Variants in ENTPD1 observed in about 807,000 individuals in gnomAD.
ENTPD1 encodes ectonucleoside triphosphate diphosphohydrolase 1, also known as ATP diphosphohydrolase.
ENTPD1 carries 33 observed loss-of-function variants against 57.0 expected under a neutral mutation model. The observed-to-expected ratio is 0.58, with a 90% CI of 0.44 to 0.77. ENTPD1 has a LOEUF of 0.77. ENTPD1 is among the 30% of genes least tolerant of loss of function. ENTPD1 has a pLI of 0.00. For synonymous variants in ENTPD1, 202 were observed against 218.8 expected, an observed-to-expected ratio of 0.92 and a Z score of 0.68; for missense variants, 501 against 603.4, an observed-to-expected ratio of 0.83 and a Z score of 1.78.
chr10:95,801,761 G>A (rs967499232), intron 1 of ENTPD1, among the ~76,000 whole-genome samples: 19 of 152,186 alleles, frequency 1.2e-4, no homozygotes, highest in South Asian at 6.2e-4. Context: ...GTCAGATAGC[G>A]TGATGCCTCC....
Position 95,873,572 on chromosome 10 carries a change from A to C in ENTPD1, c.*7189A>C, listed in dbSNP as rs2098482757. 3 of 985,468 alleles carry C rather than the reference A, an allele frequency of 3.0e-6. No individual in the cohort carries two copies. Among genetic ancestry groups the C allele is most frequent in the Non-Finnish European group, 3.6e-6 (3 of 829,952 alleles). The allele number at this position is 985,468 out of a possible 1,614,324, so 61.0% of individuals were successfully genotyped here. A position where few individuals can be genotyped will look rare whatever the true frequency, so the allele number is the denominator to read the frequency against. ...GCCAGCTCACACGCATCCTTTAAAA[A>C]TGGTTTAGAAGTTTAGCTGGTTTCT... On this transcript the variant is annotated 3_prime_UTR_variant, in exon 10 of 10. Transcript: ENST00000371205.
rs1208005031 is a variant in ENTPD1 at position 95,823,375 on chromosome 10, T to C, written c.144+11T>C. On this transcript the variant is annotated intron_variant, in intron 2 of 9. Coordinates refer to ENST00000371205, the MANE Select transcript of ENTPD1 (RefSeq NM_001776.6). Reference sequence around the variant, plus strand: ...CCAGAAAACGTTAAGGTAAGTCAAATATATCTGTGTGTTTGTGTGTATGTA... The same window carrying C: ...CCAGAAAACGTTAAGGTAAGTCAAACATATCTGTGTGTTTGTGTGTATGTA... 6.2e-7 allele frequency: 1 copy of C among 1,613,846 alleles called. No homozygotes were observed. Among genetic ancestry groups the C allele is most frequent in the Admixed American group, 1.7e-5 (1 of 60,024 alleles).
intron 1 of ENTPD1, among the ~76,000 whole-genome samples, chr10:95,746,179 A>G (rs1025432289): frequency 1.3e-5 from 2 of 152,214 alleles, no homozygotes; most frequent in African/African-American, 4.8e-5. Flanking sequence ...ACAAAAGGCA[A>G]TGTTTTGTTT....
intron 1 of ENTPD1, among the ~76,000 whole-genome samples, chr10:95,741,361 T>C (rs2098000100): frequency 6.6e-6 from 1 of 152,220 alleles, no homozygotes; most frequent in Non-Finnish European, 1.5e-5. Context: ...CATCATCTTA[T>C]ATGGGCATGG....
chr10:95,777,343 G>A (rs2098137918), intron 1 of ENTPD1, among the ~76,000 whole-genome samples: 1 of 152,140 alleles, frequency 6.6e-6, no homozygotes, highest in South Asian at 2.1e-4. Flanking sequence ...TGTTGATGTT[G>A]ATGCTATTCC....
rs2098479294 is a variant in ENTPD1 at position 95,870,560 on chromosome 10, TA to T, written c.*4179del. 2.0e-6 allele frequency: 2 copies of T among 985,328 alleles called. No individual in the cohort carries two copies. Among genetic ancestry groups the T allele is most frequent in the Admixed American group, 1.2e-4 (2 of 16,272 alleles). The allele number at this position is 985,328 out of a possible 1,614,324, so 61.0% of individuals were successfully genotyped here. A position where few individuals can be genotyped will look rare whatever the true frequency, so the allele number is the denominator to read the frequency against. ...TCCCAAAGTGTTGAGATTACAGGCG[TA>T]AGCCACTGCACCTGGCCAAGATGAA... On this transcript the variant is annotated 3_prime_UTR_variant, in exon 10 of 10. Coordinates refer to ENST00000371205, the MANE Select transcript of ENTPD1 (RefSeq NM_001776.6).
chr10:95,854,269 G>A (rs189315256), intron 7 of ENTPD1, among the ~76,000 whole-genome samples: 5,607 of 152,084 alleles, frequency 0.037, 124 homozygotes, highest in South Asian at 0.091. Flanking sequence ...CTGTGGGATC[G>A]GTGGTGATAT....
At chr10:95,775,255 C>T (rs1043821143) in intron 1 of ENTPD1, among the ~76,000 whole-genome samples, 4 of 152,186 alleles carry the variant, frequency 2.6e-5, no homozygotes, top group Non-Finnish European at 4.4e-5. Flanking sequence ...TCTAAATATA[C>T]AATCAGGTCA....
At chr10:95,858,848 C>T (rs1159341749) in intron 7 of ENTPD1, among the ~76,000 whole-genome samples, 2 of 152,122 alleles carry the variant, frequency 1.3e-5, no homozygotes, top group South Asian at 4.1e-4. Flanking sequence ...ACATCTACAC[C>T]GTAGACTCTT....
chr10:95,809,114 C>T (rs1280552403), intron 1 of ENTPD1, among the ~76,000 whole-genome samples: 3 of 152,186 alleles, frequency 2.0e-5, no homozygotes. Flanking sequence ...GTCTCCTATG[C>T]CTACTTCTTT....
In ENTPD1 at chr10:95,873,165, C is replaced by G. The variant is rs777356561; in HGVS notation, c.*6782C>G. ...CCAATACATCTGTCCAGGAATCACA[C>G]TTTGCGTATCAAAGGTCTAGATGAC... On this transcript the variant is annotated 3_prime_UTR_variant, in exon 10 of 10. Coordinates refer to ENST00000371205, the MANE Select transcript of ENTPD1 (RefSeq NM_001776.6). 1.8e-4 allele frequency: 179 copies of G among 985,202 alleles called. No homozygotes were observed. Among genetic ancestry groups the G allele is most frequent in the Admixed American group, 9.2e-4 (15 of 16,264 alleles). 61.0% of individuals were successfully genotyped at this position (985,202 alleles called of 1,614,324 possible). A position where few individuals can be genotyped will look rare whatever the true frequency, so the allele number is the denominator to read the frequency against.
upstream of ENTPD1, among the ~76,000 whole-genome samples, chr10:95,709,755 G>GTTGT (rs10670966): frequency 0.37 from 56,388 of 150,964 alleles, 11,652 homozygotes; most frequent in Admixed American, 0.47. Context: ...GTTTTTTGTT[G>GTTGT]TTGTTTGTTT....
At chr10:95,837,859 T>C (rs553251883) in intron 2 of ENTPD1, among the ~76,000 whole-genome samples, 5 of 152,150 alleles carry the variant, frequency 3.3e-5, no homozygotes, top group South Asian at 4.2e-4. Context: ...GGCCCCTACA[T>C]TGGTGTCTCC....
the ENTPD1 span, among the ~76,000 whole-genome samples, chr10:95,697,507 G>A: frequency 4.9e-4 from 75 of 152,276 alleles, no homozygotes; most frequent in African/African-American, 1.6e-3. Context: ...CCTTTAAGAG[G>A]TGATTTGATC....
At chr10:95,825,086 A>G (rs1243059849) in intron 2 of ENTPD1, among the ~76,000 whole-genome samples, 3 of 152,244 alleles carry the variant, frequency 2.0e-5, no homozygotes, top group African/African-American at 7.2e-5. Flanking sequence ...TTTGATAGCC[A>G]CTAGCCACAT....
chr10:95,786,607 C>G (rs1035988955), intron 1 of ENTPD1, among the ~76,000 whole-genome samples: 19 of 152,184 alleles, frequency 1.2e-4, no homozygotes, highest in African/African-American at 4.3e-4. Flanking sequence ...TAGATTCTGG[C>G]TCCCTGTGCC....
intron 1 of ENTPD1, among the ~76,000 whole-genome samples, chr10:95,738,544 G>C (rs1045361033): frequency 3.3e-5 from 5 of 152,128 alleles, no homozygotes; most frequent in African/African-American, 1.2e-4. Flanking sequence ...GTTGTGTGTG[G>C]TCAGGGTCAA....
chr10:95,812,897 A>C (rs868367238), intron 1 of ENTPD1, among the ~76,000 whole-genome samples: 1 of 152,194 alleles, frequency 6.6e-6, no homozygotes, highest in Non-Finnish European at 1.5e-5. Flanking sequence ...AATACATTTA[A>C]TATGTTGATA....
intron 1 of ENTPD1, among the ~76,000 whole-genome samples, chr10:95,798,121 G>A (rs554791531): frequency 6.6e-6 from 1 of 152,288 alleles, no homozygotes; most frequent in African/African-American, 2.4e-5. Flanking sequence ...CTGGTGTCAT[G>A]GGAGCCAGGA....
Sources: gnomAD v4.1 joint callset for allele counts (sites outside exome capture counted in the v4.1 genomes callset) on GRCh38, gnomAD v4.1.1 for gene constraint, MANE v1.5 for transcripts, NCBI Gene and HGNC (gene_info 2026-07-23, HGNC 2026-07-21) for gene names.